Variants in KIDINS220 observed in about 807,000 individuals in gnomAD.
KIDINS220 encodes the protein kinase D interacting substrate 220.
Under a neutral mutation model 157.6 loss-of-function variants are expected in KIDINS220, and 63 were observed. That is an observed-to-expected ratio of 0.40 (90% CI 0.33 to 0.49). The LOEUF is 0.49. Among genes scored for constraint, KIDINS220 ranks in the 20% least tolerant of loss-of-function variants. The pLI, the probability that KIDINS220 is intolerant of heterozygous loss-of-function variation, is 0.66. For synonymous variants in KIDINS220, 732 were observed against 783.6 expected (o/e 0.93, Z 1.10); for missense variants, 1,772 against 2,171.2 (o/e 0.82, Z 3.65).
chr2:8,835,771 G>A (rs1464215496), intron 1 of KIDINS220, among the ~76,000 whole-genome samples: 1 of 151,490 alleles, frequency 6.6e-6, no homozygotes, highest in East Asian at 1.9e-4. Context: ...CCTTTTCCTT[G>A]AAGTAAAAGG....
chr2:8,791,846 A>T (rs772224395), intron 12 of KIDINS220, among the ~76,000 whole-genome samples: 8 of 152,130 alleles, frequency 5.3e-5, no homozygotes, highest in Non-Finnish European at 8.8e-5. Context: ...AATCCATGAG[A>T]ATTTTGTTTT....
Position 8,729,389 on chromosome 2 carries a change from T to C in KIDINS220, c.*1331A>G. 1 of 985,472 alleles carries C rather than the reference T, an allele frequency of 1.0e-6. No individual in the cohort carries two copies. Among genetic ancestry groups the C allele is most frequent in the Non-Finnish European group, 1.2e-6 (1 of 829,928 alleles). The allele number at this position is 985,472 out of a possible 1,614,324, so 61.0% of individuals were successfully genotyped here. ...ATAGCGCATCTGCGATCTCACCATC[T>C]ACCGTCCTAACTGTGACTTGGGGTA... On this transcript the variant is annotated 3_prime_UTR_variant, in exon 30 of 30. Transcript: ENST00000256707.
chr2:8,835,098 C>T (rs893033018), intron 1 of KIDINS220, among the ~76,000 whole-genome samples: 4 of 152,206 alleles, frequency 2.6e-5, no homozygotes, highest in African/African-American at 9.7e-5. Context: ...ATCCTCCTGC[C>T]TTAGCCTCCC....
At chr2:8,808,185 T>G (rs932689751) in intron 6 of KIDINS220, among the ~76,000 whole-genome samples, 1 of 152,142 alleles carries the variant, frequency 6.6e-6, no homozygotes, top group South Asian at 2.1e-4. Flanking sequence ...CATCTGTGGT[T>G]TTCTCCACTA....
intron 8 of KIDINS220, 23 bp from the exon 9 acceptor site, chr2:8,800,521 C>A: frequency 1.3e-6 from 2 of 1,499,440 alleles, no homozygotes; most frequent in Non-Finnish European, 9.2e-7. Flanking sequence ...AAAATAAAAA[C>A]AAAAACAAGG....
intron 6 of KIDINS220, among the ~76,000 whole-genome samples, chr2:8,807,608 G>A (rs1471071377): frequency 6.6e-6 from 1 of 152,100 alleles, no homozygotes; most frequent in African/African-American, 2.4e-5. Flanking sequence ...GAGCAGAGTC[G>A]CTCTATAAAT....
chr2:8,836,438 T>C (rs1680410950), intron 1 of KIDINS220, among the ~76,000 whole-genome samples: 1 of 152,168 alleles, frequency 6.6e-6, no homozygotes, highest in Admixed American at 6.5e-5. Context: ...TTCTCAAACT[T>C]GTGTGCACCA....
At position 8,813,534 on chromosome 2, in the gene KIDINS220, G is replaced by A. The variant is rs566043084; in HGVS notation, c.307-199C>T. On this transcript the variant is annotated intron_variant, in intron 4 of 29. Coordinates refer to ENST00000256707, the MANE Select transcript of KIDINS220 (RefSeq NM_020738.4). ...GTCAAATCTCTTGCATCCACAAATG[G>A]TTAGTCCAAAGTTTATAATATATTA... is the stretch of plus-strand genomic sequence containing the variant. 9.2e-5 allele frequency among the ~76,000 whole-genome samples: 14 copies of A among 152,248 alleles called. No individual in the cohort carries two copies. The South Asian group carries it at 2.5e-3, about 27-fold the overall frequency.
intron 6 of KIDINS220, among the ~76,000 whole-genome samples, chr2:8,812,029 G>A (rs1018184045): frequency 6.6e-6 from 1 of 152,160 alleles, no homozygotes; most frequent in South Asian, 2.1e-4. Flanking sequence ...AAGCACAAGA[G>A]AAACATAACC....
At chr2:8,834,042 C>T (rs1558514561) in intron 1 of KIDINS220, among the ~76,000 whole-genome samples, 1 of 152,130 alleles carries the variant, frequency 6.6e-6, no homozygotes, top group Admixed American at 6.5e-5. Context: ...AATGTGGCCC[C>T]TCCCATGGTT....
chr2:8,750,250 T>C lies in KIDINS220; in HGVS notation c.3276A>G (p.Pro1092=). Reference sequence around the variant, plus strand: ...CGGATGGGGGCTGGCTGTACCCTGATGGCGCCCTAGGAGGACCCTCATGTA... The same window carrying C: ...CGGATGGGGGCTGGCTGTACCCTGACGGCGCCCTAGGAGGACCCTCATGTA... ...LPLHEGPPRA[P]SGYSQPPSVC... is the part of the protein sequence containing the mutation. Residue 1092 remains proline (P), a synonymous_variant, in exon 24 of 30, where the codon CCA becomes CCG. Coordinates refer to ENST00000256707, the MANE Select transcript of KIDINS220 (RefSeq NM_020738.4). The C allele has an allele frequency of 6.2e-7, 1 of 1,613,952 alleles. No individual in the cohort carries two copies. The highest frequency in any genetic ancestry group is 8.5e-7 in the Non-Finnish European group (1 of 1,179,896).
At chr2:8,744,117 AT>A (rs1376654089) in intron 26 of KIDINS220, among the ~76,000 whole-genome samples, 2 of 145,808 alleles carry the variant, frequency 1.4e-5, no homozygotes, top group Non-Finnish European at 3.0e-5. Context: ...TATATTATAT[AT>A]TTTATAATAT....
chr2:8,750,111 C>T lies in KIDINS220; in HGVS notation c.3414+1G>A. The T allele has an allele frequency of 6.2e-7, 1 of 1,612,946 alleles. No individual in the cohort carries two copies. Among genetic ancestry groups the T allele is most frequent in the East Asian group, 2.2e-5 (1 of 44,866 alleles). On this transcript the variant is annotated splice_donor_variant, in intron 24 of 29. Coordinates refer to ENST00000256707, the MANE Select transcript of KIDINS220 (RefSeq NM_020738.4). LOFTEE classifies it high-confidence loss of function. ...AATAAAGCTGCCTCCAACTTCCTTACCCTGTTGTAGAAGGGATGCTGAGGG... is the reference window on the plus strand; with the variant it reads ...AATAAAGCTGCCTCCAACTTCCTTATCCTGTTGTAGAAGGGATGCTGAGGG...
Position 8,791,204 on chromosome 2 carries a change from T to A in KIDINS220, c.1297A>T (p.Thr433Ser). The stretch of plus-strand genomic sequence containing the variant: ...TCATATCCAAGCATGTCACCGTCTG[T>A]TTCAGTAGGAGACAAGTGTCCTGTA... ...FGARHLSPTETDGDMLGYDLY... is the reference protein window; with the variant it reads ...FGARHLSPTESDGDMLGYDLY... Residue 433 changes from threonine to serine, a missense_variant, in exon 13 of 30, where the codon ACA (threonine) becomes TCA (serine). Physicochemically the swap from Thr to Ser is moderately conservative, Grantham distance 58. Transcript: ENST00000256707. 1 of 1,613,778 alleles carries A rather than the reference T, an allele frequency of 6.2e-7. No homozygotes were observed. Among genetic ancestry groups the A allele is most frequent in the Non-Finnish European group, 8.5e-7 (1 of 1,179,758 alleles).
intron 3 of KIDINS220, among the ~76,000 whole-genome samples, chr2:8,817,957 TTCTA>T (rs1677330701): frequency 6.6e-6 from 1 of 152,184 alleles, no homozygotes; most frequent in Non-Finnish European, 1.5e-5. Context: ...CTCACTGAAC[TTCTA>T]ATCATATACT....
At chr2:8,735,360 C>G (rs1664719576) in intron 27 of KIDINS220, among the ~76,000 whole-genome samples, 1 of 152,048 alleles carries the variant, frequency 6.6e-6, no homozygotes, top group Admixed American at 6.5e-5. Flanking sequence ...GGTGAAATTC[C>G]ATCTCTATTA....
At chr2:8,805,389 T>C (rs151094243) in intron 7 of KIDINS220, among the ~76,000 whole-genome samples, 8 of 152,308 alleles carry the variant, frequency 5.3e-5, no homozygotes, top group Non-Finnish European at 1.0e-4. Flanking sequence ...GAGCACATGG[T>C]TGGTGTCCCT....
intron 22 of KIDINS220, among the ~76,000 whole-genome samples, chr2:8,756,453 A>T (rs1241178894): frequency 6.6e-6 from 1 of 152,188 alleles, no homozygotes; most frequent in African/African-American, 2.4e-5. Flanking sequence ...TGCAATGGCT[A>T]CAGCTTCTAG....
intron 15 of KIDINS220, 80 bp from the exon 16 acceptor site, chr2:8,786,437 C>T (rs1190083674): frequency 3.6e-6 from 4 of 1,098,358 alleles, no homozygotes; most frequent in Non-Finnish European, 5.4e-6. Flanking sequence ...CTTTGCATCA[C>T]TTACCCTTTA....
Sources: gnomAD v4.1 joint callset for allele counts (sites outside exome capture counted in the v4.1 genomes callset) on GRCh38, gnomAD v4.1.1 for gene constraint, MANE v1.5 for transcripts, NCBI Gene and HGNC (gene_info 2026-07-23, HGNC 2026-07-21) for gene names.